RRM2: variants seen among roughly 807,000 people sequenced by gnomAD.
The protein encoded by RRM2 is ribonucleotide reductase regulatory subunit M2.
RRM2 carries 6 observed loss-of-function variants against 45.9 expected under a neutral mutation model. The observed-to-expected ratio is 0.13, with a 90% CI of 0.07 to 0.26. The LOEUF (loss-of-function observed/expected upper bound fraction) is 0.26. Among genes scored for constraint, RRM2 ranks in the 10% least tolerant of loss-of-function variants. RRM2 has a pLI of 1.00. For synonymous variants in RRM2, 177 were observed against 173.0 expected (o/e 1.02, Z -0.18); for missense variants, 343 against 489.5 (o/e 0.70, Z 2.82).
chr2:10,193,011 C>T (rs1324179254), intron 3 of RRM2, among the ~76,000 whole-genome samples: 1 of 152,218 alleles, frequency 6.6e-6, no homozygotes, highest in South Asian at 2.1e-4. Flanking sequence ...TCACACAGAC[C>T]TGCCCTGGGC....
intron 3 of RRM2, among the ~76,000 whole-genome samples, chr2:10,200,292 T>C (rs975383136): frequency 8.5e-5 from 13 of 152,166 alleles, no homozygotes; most frequent in Non-Finnish European, 1.6e-4. Context: ...TACCTGTGAG[T>C]TGGGTGAATT....
chr2:10,192,122 G>A (rs1025248766), intron 3 of RRM2, among the ~76,000 whole-genome samples: 12 of 1,216 alleles, frequency 9.9e-3, no homozygotes, highest in African/African-American at 0.016. Context: ...CAGAGCTCCC[G>A]GAGCCGCAGC....
At chr2:10,181,946 T>C (rs1186732047) in intron 3 of RRM2, among the ~76,000 whole-genome samples, 1 of 151,522 alleles carries the variant, frequency 6.6e-6, no homozygotes, top group African/African-American at 2.4e-5. Context: ...AAAAAAAAAT[T>C]GTAGAGATAA....
chr2:10,161,979 C>T (rs946684654), intron 3 of RRM2, among the ~76,000 whole-genome samples: 6 of 152,314 alleles, frequency 3.9e-5, no homozygotes, highest in East Asian at 3.9e-4. Flanking sequence ...GCCACTAGGG[C>T]GAGGACAGAG....
At chr2:10,159,431 C>T (rs958596524) in intron 3 of RRM2, among the ~76,000 whole-genome samples, 2 of 152,194 alleles carry the variant, frequency 1.3e-5, no homozygotes, top group Admixed American at 6.5e-5. Context: ...GTATCTAATT[C>T]TCAGGAGACT....
In RRM2 at chr2:10,130,860, C is replaced by G; in HGVS notation, c.*1474C>G. The G allele has an allele frequency of 6.6e-6, 1 of 152,200 alleles. No homozygotes were observed. Among genetic ancestry groups the G allele is most frequent in the Non-Finnish European group, 1.5e-5 (1 of 68,022 alleles). 9.4% of individuals were successfully genotyped at this position (152,200 alleles called of 1,614,324 possible). ...GGTCAGGCTGGTCTTGAACTCCTGA[C>G]CTCAGGTGATCCACCCACCTCGGCC... On this transcript the variant is annotated 3_prime_UTR_variant, in exon 10 of 10. Coordinates refer to ENST00000304567, the MANE Select transcript of RRM2 (RefSeq NM_001034.4).
rs1662800699 is a variant in RRM2 at position 10,127,324 on chromosome 2, A to G, written c.798+104A>G. 8.7e-7 allele frequency: 1 copy of G among 1,149,242 alleles called. No homozygotes were observed. Among genetic ancestry groups the G allele is most frequent in the South Asian group, 1.4e-5 (1 of 70,366 alleles). 71.2% of individuals were successfully genotyped at this position (1,149,242 alleles called of 1,614,324 possible). A position where few individuals can be genotyped will look rare whatever the true frequency, so the allele number is the denominator to read the frequency against. On this transcript the variant is annotated intron_variant, in intron 7 of 9. Transcript: ENST00000304567. This position sits in a 1 kb window ranked among gnomAD's most constrained non-coding sequence, Gnocchi z 4.1. ...CTGAGATGCTAGATGGCATATATCC[A>G]CATTTAATGTGTGAGTTCAACCATA...
upstream of RRM2, among the ~76,000 whole-genome samples, chr2:10,140,291 A>C (rs906889480): frequency 6.6e-6 from 1 of 152,206 alleles, no homozygotes; most frequent in Non-Finnish European, 1.5e-5. Context: ...TTCGTGTTGC[A>C]TGAAGATTCT....
chr2:10,158,419 C>T (rs1333422998), intron 3 of RRM2, among the ~76,000 whole-genome samples: 1 of 152,096 alleles, frequency 6.6e-6, no homozygotes, highest in East Asian at 1.9e-4. Context: ...TCCTGCCACC[C>T]CATGCTGCCT....
At chr2:10,184,447 A>G (rs1373724965) in intron 3 of RRM2, among the ~76,000 whole-genome samples, 1 of 152,244 alleles carries the variant, frequency 6.6e-6, no homozygotes, top group Non-Finnish European at 1.5e-5. Context: ...TTTAGCATTG[A>G]AAACCACAAA....
intron 3 of RRM2, among the ~76,000 whole-genome samples, chr2:10,145,112 G>A (rs1441602878): frequency 6.6e-6 from 1 of 152,090 alleles, no homozygotes; most frequent in East Asian, 1.9e-4. Context: ...GAGAGAGGAG[G>A]GAGGCTCTTG....
At chr2:10,158,303 G>T (rs544329315) in intron 3 of RRM2, among the ~76,000 whole-genome samples, 1 of 152,170 alleles carries the variant, frequency 6.6e-6, no homozygotes, top group Non-Finnish European at 1.5e-5. Context: ...ACAGGAAAGC[G>T]CTCGCGAACT....
chr2:10,152,052 T>C (rs10754955), intron 3 of RRM2, among the ~76,000 whole-genome samples: 96,537 of 151,854 alleles, frequency 0.64, 31,230 homozygotes, highest in African/African-American at 0.7. Flanking sequence ...AGGTTCATGC[T>C]ATTCTCCTGC....
chr2:10,154,741 G>A (rs1303054867), intron 3 of RRM2, among the ~76,000 whole-genome samples: 1 of 144,288 alleles, frequency 6.9e-6, no homozygotes, highest in African/African-American at 2.6e-5. Flanking sequence ...TGTTGCCCAG[G>A]CTGGAGTGCA....
chr2:10,146,740 A>T (rs113288121), intron 3 of RRM2, among the ~76,000 whole-genome samples: 1 of 152,116 alleles, frequency 6.6e-6, no homozygotes, highest in Non-Finnish European at 1.5e-5. Context: ...GAGGAGGAGG[A>T]GGGAGAGGAG....
At chr2:10,183,138 T>C (rs1664095540) in intron 3 of RRM2, among the ~76,000 whole-genome samples, 1 of 152,160 alleles carries the variant, frequency 6.6e-6, no homozygotes, top group Admixed American at 6.5e-5. Flanking sequence ...ACCACTGCAC[T>C]CCAGCCTGGG....
At chr2:10,153,968 T>C (rs1663370458) in intron 3 of RRM2, among the ~76,000 whole-genome samples, 1 of 152,236 alleles carries the variant, frequency 6.6e-6, no homozygotes, top group Non-Finnish European at 1.5e-5. Context: ...TGTTGATGGT[T>C]GCACAAGATT....
upstream of RRM2, among the ~76,000 whole-genome samples, chr2:10,137,891 G>T (rs901078996): frequency 9.2e-5 from 14 of 152,198 alleles, no homozygotes; most frequent in Admixed American, 7.9e-4. Flanking sequence ...TCCTGCAGCT[G>T]CTCTGGCCTT....
At chr2:10,190,017 ATGATGGTGGTGATGGTGG>A (rs1254498555) in intron 3 of RRM2, among the ~76,000 whole-genome samples, 1 of 149,952 alleles carries the variant, frequency 6.7e-6, no homozygotes. Flanking sequence ...GATGATGGTG[ATGATGGTGGTGATGGTGG>A]TGATGGTGGT....
Sources: allele counts gnomAD v4.1 joint callset (sites outside exome capture counted in the v4.1 genomes callset), GRCh38; gene constraint gnomAD v4.1.1; non-coding constraint Gnocchi (gnomAD v3.1); transcripts MANE v1.5; gene names NCBI Gene and HGNC (gene_info 2026-07-23, HGNC 2026-07-21).